The following DHRS12 variants were observed in gnomAD, a reference collection of about 807,000 sequenced individuals.
The protein encoded by DHRS12 is dehydrogenase/reductase 12, also known as dehydrogenase/reductase SDR family member 12.
Under a neutral mutation model 32.1 loss-of-function variants are expected in DHRS12, and 29 were observed. The ratio of observed to expected loss-of-function variants is 0.90; its 90% confidence interval spans 0.67 to 1.23. The LOEUF (loss-of-function observed/expected upper bound fraction) is 1.23, where lower values mean the gene tolerates loss of function less well. Among genes scored for constraint, DHRS12 ranks in the 50% most tolerant of loss-of-function variants. The probability of loss-of-function intolerance (pLI) is 0.00; values close to 1 mark genes in which losing one functional copy is unlikely to be tolerated. For missense variants in DHRS12, 330 were observed against 337.2 expected, an observed-to-expected ratio of 0.98 and a Z score of 0.17; for synonymous variants, 150 against 135.9, an observed-to-expected ratio of 1.10 and a Z score of -0.72.
At chr13:51,759,956 CCAACT>C in the DHRS12 span, 1 of 558,550 alleles carries the variant, frequency 1.8e-6, no homozygotes, top group Non-Finnish European at 3.2e-6. Context: ...GGGGACTCTT[CCAACT>C]TGTTCATACA....
At chr13:51,758,017 ATT>A in the DHRS12 span, among the ~76,000 whole-genome samples, 2 of 149,476 alleles carry the variant, frequency 1.3e-5, no homozygotes, top group Admixed American at 1.3e-4. Context: ...GATTTCTTGT[ATT>A]TTTTTTTTAT....
intron 4 of DHRS12, among the ~76,000 whole-genome samples, chr13:51,787,916 A>G (rs1218190380): frequency 8.9e-6 from 1 of 112,228 alleles, no homozygotes; most frequent in Non-Finnish European, 1.8e-5. Context: ...ATATATAATT[A>G]TATATAATAT....
the DHRS12 span, among the ~76,000 whole-genome samples, chr13:51,757,575 T>C: frequency 6.6e-6 from 1 of 151,824 alleles, no homozygotes; most frequent in Admixed American, 6.6e-5. Context: ...TTCTGCCTCT[T>C]CTCTGTGGAA....
chr13:51,774,472 A>ACATG (rs1954251896), intron 5 of DHRS12: 1 of 82,630 alleles, frequency 1.2e-5, no homozygotes, highest in African/African-American at 7.0e-5. Context: ...CTCCTACAGT[A>ACATG]TTCTCCTACA....
intron 1 of DHRS12, among the ~76,000 whole-genome samples, chr13:51,802,647 T>C (rs1018289611): frequency 3.3e-5 from 5 of 152,252 alleles, no homozygotes; most frequent in East Asian, 1.9e-4. Flanking sequence ...GAGCCCAATA[T>C]AGGGAGGCTT....
intron 4 of DHRS12, among the ~76,000 whole-genome samples, chr13:51,788,758 C>T (rs1282774461): frequency 2.0e-5 from 3 of 151,728 alleles, no homozygotes; most frequent in Non-Finnish European, 2.9e-5. Flanking sequence ...TACTTGGGAG[C>T]GTGAGGTGAA....
intron 4 of DHRS12, among the ~76,000 whole-genome samples, chr13:51,788,453 C>A (rs1442062757): frequency 1.3e-5 from 2 of 152,170 alleles, no homozygotes; most frequent in African/African-American, 4.8e-5. Flanking sequence ...CATCTTCCCA[C>A]TCCTAGCCTT....
chr13:51,791,688 C>T (rs948530461), intron 2 of DHRS12, among the ~76,000 whole-genome samples: 1 of 152,184 alleles, frequency 6.6e-6, no homozygotes, highest in African/African-American at 2.4e-5. Flanking sequence ...CAATGTTGTA[C>T]AGTGCACCTC....
At chr13:51,783,340 C>T (rs1954808267) in intron 4 of DHRS12, among the ~76,000 whole-genome samples, 1 of 152,148 alleles carries the variant, frequency 6.6e-6, no homozygotes, top group African/African-American at 2.4e-5. Flanking sequence ...CAGCAGCTCA[C>T]TTGTTACTGA....
intron 4 of DHRS12, among the ~76,000 whole-genome samples, chr13:51,786,583 A>G (rs966906263): frequency 6.6e-6 from 1 of 152,186 alleles, no homozygotes; most frequent in Non-Finnish European, 1.5e-5. Flanking sequence ...TAGGATATGA[A>G]AATCTCTCCA....
rs2139399913 is a variant in DHRS12 at position 51,797,993 on chromosome 13, G to A, written c.126+1541C>T. On this transcript the variant is annotated intron_variant, in intron 2 of 8. Coordinates refer to ENST00000444610, the MANE Select transcript of DHRS12 (RefSeq NM_001377533.1). Reference sequence around the variant, plus strand: ...TCCTAATGAAAAATGAAGACATATGGGCTCACAGTTGACACTCTTCTGTTA... The same window carrying A: ...TCCTAATGAAAAATGAAGACATATGAGCTCACAGTTGACACTCTTCTGTTA... The A allele has an allele frequency of 2.2e-6, 3 of 1,334,344 alleles. No individual in the cohort carries two copies. The East Asian group carries it at 7.5e-5, about 34-fold the overall frequency. The allele number at this position is 1,334,344 out of a possible 1,614,324, so 82.7% of individuals were successfully genotyped here. A position where few individuals can be genotyped will look rare whatever the true frequency, so the allele number is the denominator to read the frequency against.
downstream of DHRS12, chr13:51,767,563 C>CTT (rs1346618919): frequency 3.9e-5 from 6 of 152,676 alleles, no homozygotes; most frequent in African/African-American, 1.4e-4. Flanking sequence ...TTTATTACAA[C>CTT]TTTTCCTGGA....
the DHRS12 span, chr13:51,762,955 A>T: frequency 3.9e-5 from 6 of 152,220 alleles, no homozygotes; most frequent in Admixed American, 6.5e-5. Flanking sequence ...ATGGTTTGAG[A>T]TTAAGCATTT....
At chr13:51,770,874 T>G (rs1953978899) in intron 7 of DHRS12, 5 of 1,130,624 alleles carry the variant, frequency 4.4e-6, no homozygotes, top group Non-Finnish European at 5.4e-6. Flanking sequence ...GAACAGATTT[T>G]GCACAGGTGT....
In DHRS12 at chr13:51,768,240, C is replaced by T. The variant is rs984707885; in HGVS notation, c.754G>A (p.Glu252Lys). ...AGGATTTCAATGAGTTTCTCCTCTT[C>T]GGCCGGTGAGGAGGACGCTGTAGCG... ...PLATASSSPA[E>K]EEKLIEILEQ... The change falls in exon 9 of 9, where the codon GAA (glutamate) becomes AAA (lysine). Residue 252 changes from glutamate (E) to lysine (K), a missense_variant. By Grantham distance (56) the Glu-to-Lys change is moderately conservative. Coordinates refer to ENST00000444610, the MANE Select transcript of DHRS12 (RefSeq NM_001377533.1). 32 of 1,535,984 alleles carry T rather than the reference C, an allele frequency of 2.1e-5. No individual in the cohort carries two copies. The highest frequency in any genetic ancestry group is 4.1e-5 in the African/African-American group (3 of 73,016).
At position 51,791,223 on chromosome 13, in the gene DHRS12, G is replaced by A; in HGVS notation, c.161C>T (p.Pro54Leu). ...TTCAACAAATTTCCAGATTTGCTTG[G>A]GATCAGACAAGTCCACAATGTGCAG... The part of the protein sequence containing the change: ...IFLHIVDLSD[P>L]KQIWKFVENF... The change falls in exon 3 of 9, where the codon CCC becomes CTC. Residue 54 changes from proline to leucine, a missense_variant. By Grantham distance (98) the Pro-to-Leu change is moderately conservative. Coordinates refer to ENST00000444610, the MANE Select transcript of DHRS12 (RefSeq NM_001377533.1). 1 of 1,572,660 alleles carries A rather than the reference G, an allele frequency of 6.4e-7. No individual in the cohort carries two copies. Among genetic ancestry groups the A allele is most frequent in the South Asian group, 1.2e-5 (1 of 84,788 alleles).
At chr13:51,787,866 TAA>T (rs1566296554) in intron 4 of DHRS12, among the ~76,000 whole-genome samples, 2 of 120,484 alleles carry the variant, frequency 1.7e-5, no homozygotes, top group Non-Finnish European at 3.3e-5. Flanking sequence ...ATATAATATA[TAA>T]ATATATAATT....
chr13:51,758,963 C>T, the DHRS12 span, among the ~76,000 whole-genome samples: 1 of 152,174 alleles, frequency 6.6e-6, no homozygotes, highest in Admixed American at 6.5e-5. Flanking sequence ...CGGAGGATCA[C>T]TTGACCCCAG....
At chr13:51,758,075 T>A in the DHRS12 span, 1 of 525,522 alleles carries the variant, frequency 1.9e-6, no homozygotes, top group Non-Finnish European at 3.4e-6. Flanking sequence ...GGAGCATTCC[T>A]GTCAGTGAAG....
Sources: gnomAD v4.1 joint callset for allele counts (sites outside exome capture counted in the v4.1 genomes callset) on GRCh38, gnomAD v4.1.1 for gene constraint, MANE v1.5 for transcripts, NCBI Gene and HGNC (gene_info 2026-07-23, HGNC 2026-07-21) for gene names.